TRMT44: variants seen among roughly 807,000 people sequenced by gnomAD.
The protein encoded by TRMT44 is tRNA methyltransferase 44 homolog.
Under a neutral mutation model 77.3 loss-of-function variants are expected in TRMT44, and 78 were observed. That is an observed-to-expected ratio of 1.01 (90% CI 0.84 to 1.22). TRMT44 has a LOEUF of 1.22. Ranked by LOEUF, TRMT44 falls within the 50% of genes most tolerant of loss-of-function variation. The pLI, the probability that TRMT44 is intolerant of heterozygous loss-of-function variation, is 0.00. For synonymous variants in TRMT44, 391 were observed against 383.3 expected (o/e 1.02, Z -0.23); for missense variants, 1,090 against 964.4 (o/e 1.13, Z -1.73).
chr4:8,498,539 AAG>A, the TRMT44 span, among the ~76,000 whole-genome samples: 3 of 152,120 alleles, frequency 2.0e-5, no homozygotes, highest in Non-Finnish European at 4.4e-5. The surrounding 1 kb of genome is among the most constrained non-coding windows in gnomAD (Gnocchi z 4.3). Context: ...GTGCAGGAGG[AAG>A]AGAGAGAGGG....
chr4:8,464,128 G>A, intron 7 of TRMT44, 37 bp downstream of exon 7: 2 of 1,561,632 alleles, frequency 1.3e-6, no homozygotes, highest in Non-Finnish European at 1.8e-6. Context: ...AATGGCTGGG[G>A]AATGCTTCAT....
In TRMT44 at chr4:8,452,833, C is replaced by A. The variant is rs542469488; in HGVS notation, c.1024-49C>A. The A allele has an allele frequency of 2.3e-5, 25 of 1,109,604 alleles. No homozygotes were observed. In the African/African-American group the frequency reaches 3.8e-4, roughly 17 times the overall value. The allele number at this position is 1,109,604 out of a possible 1,614,324, so 68.7% of individuals were successfully genotyped here. Reference sequence around the variant, plus strand: ...CCAGTTTGTGTCTAAATTATTCTTGCGTAGAGTGAATTACCACCTGACTTT... The same window carrying A: ...CCAGTTTGTGTCTAAATTATTCTTGAGTAGAGTGAATTACCACCTGACTTT... On this transcript the variant is annotated intron_variant, in intron 4 of 10. Transcript: ENST00000389737. The surrounding 1 kb of genome is among the most constrained non-coding windows in gnomAD (Gnocchi z 5.7).
intron 9 of TRMT44, among the ~76,000 whole-genome samples, chr4:8,469,295 C>G (rs1332700397): frequency 6.6e-6 from 1 of 152,158 alleles, no homozygotes; most frequent in African/African-American, 2.4e-5. Context: ...ATGGGGCCGA[C>G]TAGCTGCAAA....
chr4:8,465,781 A>G (rs1253087217), intron 8 of TRMT44, among the ~76,000 whole-genome samples: 1 of 152,180 alleles, frequency 6.6e-6, no homozygotes, highest in African/African-American at 2.4e-5. Context: ...CCAGGCCTGC[A>G]GGAGTCCTCG....
chr4:8,515,420 T>C, the TRMT44 span, among the ~76,000 whole-genome samples: 7 of 152,202 alleles, frequency 4.6e-5, no homozygotes, highest in Non-Finnish European at 1.5e-5. Flanking sequence ...GGCAGGCCCA[T>C]AGAATGACGA....
chr4:8,468,047 C>T lies in TRMT44; in HGVS notation c.1628C>T (p.Pro543Leu), dbSNP rs1726718512. 1 of 1,613,864 alleles carries T rather than the reference C, an allele frequency of 6.2e-7. No homozygotes were observed. Among genetic ancestry groups the T allele is most frequent in the Non-Finnish European group, 8.5e-7 (1 of 1,180,042 alleles). Residue 543 changes from proline to leucine, a missense_variant, in exon 9 of 11, where the codon CCA becomes CTA. By Grantham distance (98) the Pro-to-Leu change is moderately conservative. Transcript: ENST00000389737. ...CCTGGCTGGGAGCTTTCCCCTTCTC[C>T]ACGCTGGGTTGCTGCTGGCAGTGCT... ...SPPGWELSPS[P>L]RWVAAGSAGH...
intron 6 of TRMT44, among the ~76,000 whole-genome samples, chr4:8,460,184 G>A (rs1726059259): frequency 6.6e-6 from 1 of 152,198 alleles, no homozygotes; most frequent in East Asian, 1.9e-4. Flanking sequence ...AGCCGTCCTA[G>A]GACAGGTTAT....
the TRMT44 span, among the ~76,000 whole-genome samples, chr4:8,514,793 ATGT>A: frequency 5.9e-5 from 9 of 152,270 alleles, no homozygotes; most frequent in South Asian, 1.0e-3. Context: ...TTCTCTAAAA[ATGT>A]TGTACTTAAC....
chr4:8,507,755 G>A, the TRMT44 span, among the ~76,000 whole-genome samples: 3 of 152,182 alleles, frequency 2.0e-5, no homozygotes, highest in Non-Finnish European at 1.5e-5. Flanking sequence ...AACTTGAGGA[G>A]ACACAGCGTG....
At position 8,475,965 on chromosome 4, in the gene TRMT44, G is replaced by GCCACCCCGGA. The variant is rs770888085; in HGVS notation, c.2247_2256dup (p.Arg753AspfsTer77). 8.7e-6 allele frequency: 14 copies of GCCACCCCGGA among 1,614,066 alleles called. No individual in the cohort carries two copies. The highest frequency in any genetic ancestry group is 1.1e-5 in the Non-Finnish European group (13 of 1,180,024). On this transcript the variant is annotated frameshift_variant, in exon 11 of 11. Transcript: ENST00000389737. LOFTEE classifies it low-confidence loss of function (END_TRUNC). ...TTGCCCATGGGCCTGCGGAGCTGCGGCCACCCCGGACCACCCCGAGGAAGA... is the reference window on the plus strand; with the variant it reads ...TTGCCCATGGGCCTGCGGAGCTGCGGCCACCCCGGACCACCCCGGACCACCCCGAGGAAGA...
chr4:8,503,587 A>C, the TRMT44 span, among the ~76,000 whole-genome samples: 2 of 152,222 alleles, frequency 1.3e-5, no homozygotes, highest in African/African-American at 4.8e-5. Flanking sequence ...CACATACCTC[A>C]GAGAACACAG....
At chr4:8,514,086 C>T in the TRMT44 span, among the ~76,000 whole-genome samples, 1 of 152,180 alleles carries the variant, frequency 6.6e-6, no homozygotes, top group Non-Finnish European at 1.5e-5. Context: ...CTGGAAGCCA[C>T]CATGCACCCG....
At chr4:8,470,030 C>T (rs984628086) in intron 9 of TRMT44, among the ~76,000 whole-genome samples, 1 of 152,276 alleles carries the variant, frequency 6.6e-6, no homozygotes, top group African/African-American at 2.4e-5. Context: ...GGATGAGAAA[C>T]CAAGAGGCCG....
At chr4:8,474,131 C>G (rs1366054358) in intron 10 of TRMT44, among the ~76,000 whole-genome samples, 1 of 149,974 alleles carries the variant, frequency 6.7e-6, no homozygotes, top group African/African-American at 2.5e-5. Context: ...AGCCTTTGGC[C>G]TCAGTGATCC....
chr4:8,441,209 TG>T lies in TRMT44; in HGVS notation c.388del (p.Ala130LeufsTer74), dbSNP rs1468205468. 1 of 1,535,238 alleles carries T rather than the reference TG, an allele frequency of 6.5e-7. No individual in the cohort carries two copies. The highest frequency in any genetic ancestry group is 2.4e-5 in the East Asian group (1 of 40,900). On this transcript the variant is annotated frameshift_variant, in exon 1 of 11. Coordinates refer to ENST00000389737, the MANE Select transcript of TRMT44 (RefSeq NM_152544.3). LOFTEE classifies it high-confidence loss of function. ...PLRDSGHPGH[A>X]EGREGDFPAA... ...TGAGGGACTCCGGGCACCCCGGCCA[TG>T]CTGAAGGAAGGGAGGGCGACTTCCC...
the TRMT44 span, among the ~76,000 whole-genome samples, chr4:8,506,485 G>A: frequency 1.5e-4 from 23 of 152,190 alleles, no homozygotes; most frequent in South Asian, 2.1e-4. Flanking sequence ...CTTCCAGCCC[G>A]GGCACCACTC....
the TRMT44 span, among the ~76,000 whole-genome samples, chr4:8,503,414 G>A: frequency 4.6e-5 from 7 of 152,316 alleles, no homozygotes; most frequent in African/African-American, 1.4e-4. Context: ...TGGGAATCCG[G>A]ACCCAGGTGT....
intron 2 of TRMT44, among the ~76,000 whole-genome samples, chr4:8,490,783 G>C (rs542514622): frequency 8.5e-5 from 13 of 152,294 alleles, no homozygotes; most frequent in African/African-American, 2.9e-4. Context: ...GGAGCAGCCT[G>C]CTTTTATTCT....
intron 8 of TRMT44, among the ~76,000 whole-genome samples, chr4:8,466,164 G>A (rs1560235090): frequency 6.6e-6 from 1 of 152,316 alleles, no homozygotes; most frequent in East Asian, 1.9e-4. Context: ...CTATGTCTCT[G>A]GTAACTTTAT....
Sources: allele counts gnomAD v4.1 joint callset (sites outside exome capture counted in the v4.1 genomes callset), GRCh38; gene constraint gnomAD v4.1.1; non-coding constraint Gnocchi (gnomAD v3.1); transcripts MANE v1.5; gene names NCBI Gene and HGNC (gene_info 2026-07-23, HGNC 2026-07-21).